The following EBPL variants were observed in gnomAD, a reference collection of about 807,000 sequenced individuals.
The protein encoded by EBPL is EBP like.
In EBPL, 20 loss-of-function variants were observed where a neutral mutation model predicts 19.0. The ratio of observed to expected loss-of-function variants is 1.05; its 90% CI spans 0.74 to 1.53. The LOEUF is 1.53. EBPL is among the 40% of genes most tolerant of loss of function. The pLI, the probability that EBPL is intolerant of heterozygous loss-of-function variation, is 0.00. For missense variants in EBPL, 219 were observed against 261.1 expected (o/e 0.84, Z 1.11); for synonymous variants, 107 against 117.0 (o/e 0.91, Z 0.55).
At chr13:49,672,183 T>C (rs188711348) in intron 1 of EBPL, among the ~76,000 whole-genome samples, 15 of 152,346 alleles carry the variant, frequency 9.8e-5, no homozygotes, top group Non-Finnish European at 2.1e-4. Context: ...ATGACATTTG[T>C]GTTCCGTGTT....
In EBPL at chr13:49,663,065, T is replaced by A. The variant is rs760028150; in HGVS notation, c.372A>T (p.Lys124Asn). 12 of 1,613,850 alleles carry A rather than the reference T, an allele frequency of 7.4e-6. No homozygotes were observed. In the Admixed American group the frequency reaches 1.3e-4, roughly 18 times the overall value. Residue 124 changes from lysine to asparagine, a missense_variant, in exon 3 of 4, where the codon AAA becomes AAT. Transcript: ENST00000242827. ...LFLIYAIVKE[K>N]YYRHFLQITL... Reference sequence around the variant, plus strand: ...AGAAGAAGGGCACCTACCGGTAATATTTTTCTTTGACTATGGCATAAATGA... The same window carrying A: ...AGAAGAAGGGCACCTACCGGTAATAATTTTCTTTGACTATGGCATAAATGA...
chr13:49,677,459 A>T (rs1311932081), intron 1 of EBPL, among the ~76,000 whole-genome samples: 1 of 152,172 alleles, frequency 6.6e-6, no homozygotes, highest in Admixed American at 6.5e-5. Context: ...ACCCTAACAG[A>T]ACTCACAAAT....
chr13:49,690,473 G>C (rs977526494), intron 1 of EBPL, among the ~76,000 whole-genome samples: 2 of 118,528 alleles, frequency 1.7e-5, no homozygotes, highest in Admixed American at 8.4e-5. Flanking sequence ...AAACTTAAAA[G>C]TGTGTGTGTG....
rs1197498072 is a variant in EBPL at position 49,660,737 on chromosome 13, A to G, written c.*231T>C. 11 of 439,628 alleles carry G rather than the reference A, an allele frequency of 2.5e-5. No individual in the cohort carries two copies. The highest frequency in any genetic ancestry group is 4.4e-5 in the Non-Finnish European group (11 of 249,460). 27.2% of individuals were successfully genotyped at this position (439,628 alleles called of 1,614,324 possible). ...TGCCAGCCATAAAATGTATAATTAA[A>G]CATTTTATTATTACAAATTCAAATT... On this transcript the variant is annotated 3_prime_UTR_variant, in exon 4 of 4. Coordinates refer to ENST00000242827, the MANE Select transcript of EBPL (RefSeq NM_032565.5).
intron 1 of EBPL, 93 bp from the exon 2 acceptor site, chr13:49,669,939 A>C (rs1594407639): frequency 1.1e-6 from 1 of 942,264 alleles, no homozygotes; most frequent in Non-Finnish European, 1.7e-6. Flanking sequence ...TCCATCCCCC[A>C]CCCTTCTCCA....
chr13:49,674,889 T>A (rs1139051), intron 1 of EBPL, among the ~76,000 whole-genome samples: 1 of 152,110 alleles, frequency 6.6e-6, no homozygotes, highest in Non-Finnish European at 1.5e-5. Flanking sequence ...ACATTAACAA[T>A]GTGTGCAACC....
intron 1 of EBPL, among the ~76,000 whole-genome samples, chr13:49,678,017 G>A (rs373495792): frequency 0.013 from 1,085 of 86,552 alleles, 14 homozygotes; most frequent in African/African-American, 0.03. Flanking sequence ...ACTCCACAGC[G>A]TGGAAGGGGA....
At chr13:49,679,070 A>G (rs1315646021) in intron 1 of EBPL, among the ~76,000 whole-genome samples, 1 of 152,066 alleles carries the variant, frequency 6.6e-6, no homozygotes, top group Non-Finnish European at 1.5e-5. Context: ...ACAAAGACCG[A>G]AGATCAAAGC....
chr13:49,669,079 C>A (rs529601939), intron 2 of EBPL, among the ~76,000 whole-genome samples: 42 of 152,198 alleles, frequency 2.8e-4, no homozygotes, highest in South Asian at 8.3e-4. Flanking sequence ...CAGGATTTCA[C>A]CGTGTTAGCC....
At chr13:49,672,927 G>C (rs1953834064) in intron 1 of EBPL, among the ~76,000 whole-genome samples, 1 of 152,158 alleles carries the variant, frequency 6.6e-6, no homozygotes, top group Non-Finnish European at 1.5e-5. Flanking sequence ...GGGTGTGGTG[G>C]TGTGTGCCTG....
chr13:49,672,267 CCTAT>C (rs1463004237), intron 1 of EBPL, among the ~76,000 whole-genome samples: 3 of 152,158 alleles, frequency 2.0e-5, no homozygotes, highest in Non-Finnish European at 2.9e-5. Flanking sequence ...TTTAGACTGC[CCTAT>C]CTCTTACTGT....
chr13:49,686,635 A>C, intron 1 of EBPL: 3 of 1,285,888 alleles, frequency 2.3e-6, no homozygotes, highest in Non-Finnish European at 3.0e-6. Context: ...CTTATTCCTC[A>C]GCTCTTTCAC....
intron 1 of EBPL, among the ~76,000 whole-genome samples, chr13:49,689,818 G>A (rs1326571770): frequency 1.3e-5 from 2 of 152,074 alleles, no homozygotes; most frequent in Non-Finnish European, 2.9e-5. Flanking sequence ...CCCTTGTTCT[G>A]TGGGAAACCT....
chr13:49,674,695 T>C (rs1367690457), intron 1 of EBPL, among the ~76,000 whole-genome samples: 1 of 151,622 alleles, frequency 6.6e-6, no homozygotes, highest in Non-Finnish European at 1.5e-5. Context: ...GACTTCCAAT[T>C]CAATAAAGGA....
At chr13:49,662,698 T>C (rs975038460) in intron 3 of EBPL, among the ~76,000 whole-genome samples, 1 of 152,058 alleles carries the variant, frequency 6.6e-6, no homozygotes, top group Non-Finnish European at 1.5e-5. Flanking sequence ...AGTGGCGTGA[T>C]CATGGCTTAC....
chr13:49,686,643 C>T (rs2137512196), intron 1 of EBPL: 1 of 1,285,556 alleles, frequency 7.8e-7, no homozygotes. Flanking sequence ...TCAGCTCTTT[C>T]ACCCTTCTGT....
Position 49,660,957 on chromosome 13 carries a change from G to A in EBPL, c.*11C>T, listed in dbSNP as rs1965135332. Reference sequence around the variant, plus strand: ...ATGAAGTTAGATAATGGTGTTTATGGTTTTGAAAGTTCACTGAAACTTCTT... The same window carrying A: ...ATGAAGTTAGATAATGGTGTTTATGATTTTGAAAGTTCACTGAAACTTCTT... On this transcript the variant is annotated 3_prime_UTR_variant, in exon 4 of 4. Transcript: ENST00000242827. The A allele has an allele frequency of 6.2e-7, 1 of 1,600,364 alleles. No homozygotes were observed. Among genetic ancestry groups the A allele is most frequent in the Non-Finnish European group, 8.5e-7 (1 of 1,170,346 alleles).
intron 2 of EBPL, among the ~76,000 whole-genome samples, chr13:49,664,816 G>A (rs1965201659): frequency 6.6e-6 from 1 of 152,068 alleles, no homozygotes; most frequent in Non-Finnish European, 1.5e-5. Context: ...GCTGTCCTAA[G>A]AGAAAGGACA....
chr13:49,667,214 T>C (rs1199427722), intron 2 of EBPL, among the ~76,000 whole-genome samples: 1 of 152,156 alleles, frequency 6.6e-6, no homozygotes, highest in East Asian at 1.9e-4. Flanking sequence ...TAACCATCTC[T>C]TTGCTTATTA....
Sources: gnomAD v4.1 joint callset for allele counts (sites outside exome capture counted in the v4.1 genomes callset) on GRCh38, gnomAD v4.1.1 for gene constraint, MANE v1.5 for transcripts, NCBI Gene and HGNC (gene_info 2026-07-23, HGNC 2026-07-21) for gene names.